The following GPHN variants were observed in gnomAD, a reference collection of about 807,000 sequenced individuals.
GPHN encodes the protein gephyrin.
GPHN carries 17 observed loss-of-function variants against 95.5 expected under a neutral mutation model. The observed-to-expected ratio is 0.18, with a 90% CI of 0.12 to 0.27. The LOEUF is 0.27. Among genes scored for constraint, GPHN ranks in the 10% least tolerant of loss-of-function variants. The pLI, the probability that GPHN is intolerant of heterozygous loss-of-function variation, is 1.00. For synonymous variants in GPHN, 320 were observed against 322.5 expected (o/e 0.99, Z 0.08); for missense variants, 660 against 978.1 (o/e 0.67, Z 4.34).
intron 1 of GPHN, among the ~76,000 whole-genome samples, chr14:66,536,203 G>A (rs762862231): frequency 6.6e-6 from 1 of 151,960 alleles, no homozygotes; most frequent in Non-Finnish European, 1.5e-5. Flanking sequence ...TTCCCACCTC[G>A]GCCTCCCAAA....
chr14:67,066,969 A>G (rs1395502332), intron 11 of GPHN, among the ~76,000 whole-genome samples: 1 of 152,118 alleles, frequency 6.6e-6, no homozygotes, highest in African/African-American at 2.4e-5. Context: ...GCTTTGTTCC[A>G]TTGCTGGTGA....
chr14:67,059,361 G>A (rs1258128531), intron 11 of GPHN, among the ~76,000 whole-genome samples: 1 of 152,142 alleles, frequency 6.6e-6, no homozygotes, highest in African/African-American at 2.4e-5. Context: ...TCCAGTTCCA[G>A]GAGACCAGGC....
intron 10 of GPHN, among the ~76,000 whole-genome samples, chr14:67,025,937 C>T (rs1381196521): frequency 1.3e-5 from 2 of 152,214 alleles, no homozygotes; most frequent in African/African-American, 4.8e-5. Context: ...GATCTTTATC[C>T]AATCTTAATG....
the GPHN span, among the ~76,000 whole-genome samples, chr14:67,617,833 G>A: frequency 6.6e-6 from 1 of 152,158 alleles, no homozygotes; most frequent in Non-Finnish European, 1.5e-5. Flanking sequence ...CAATTCTCCT[G>A]CCTCAGACTC....
At chr14:67,519,983 A>G in the GPHN span, among the ~76,000 whole-genome samples, 1 of 152,104 alleles carries the variant, frequency 6.6e-6, no homozygotes, top group Non-Finnish European at 1.5e-5. Context: ...TCGGCCCCCC[A>G]AAGTGCTGGG....
At chr14:67,303,716 T>G in the GPHN span, 1 of 723,144 alleles carries the variant, frequency 1.4e-6, no homozygotes, top group African/African-American at 1.8e-5. Flanking sequence ...TCAATCATTT[T>G]TATTTAAATA....
intron 1 of GPHN, among the ~76,000 whole-genome samples, chr14:66,607,287 A>T (rs1007460707): frequency 2.6e-5 from 4 of 151,996 alleles, no homozygotes; most frequent in African/African-American, 9.7e-5. Flanking sequence ...TGATGTGCAT[A>T]TGTTGAACCA....
chr14:66,766,465 T>C (rs1195324533), intron 2 of GPHN, among the ~76,000 whole-genome samples: 1 of 152,118 alleles, frequency 6.6e-6, no homozygotes, highest in African/African-American at 2.4e-5. Flanking sequence ...CATTTAGATA[T>C]ATTGAATGAA....
intron 5 of GPHN, among the ~76,000 whole-genome samples, chr14:66,888,418 A>C (rs1418963767): frequency 6.6e-6 from 1 of 152,208 alleles, no homozygotes; most frequent in African/African-American, 2.4e-5. Flanking sequence ...GGCATACAGT[A>C]TGTAAAGATG....
At chr14:67,509,594 C>T in the GPHN span, among the ~76,000 whole-genome samples, 1 of 152,210 alleles carries the variant, frequency 6.6e-6, no homozygotes. Flanking sequence ...GCTGGGATTA[C>T]AGGCATGAGC....
At chr14:66,700,153 C>T (rs2068423883) in intron 2 of GPHN, among the ~76,000 whole-genome samples, 1 of 152,028 alleles carries the variant, frequency 6.6e-6, no homozygotes, top group Admixed American at 6.6e-5. Context: ...TTTTCTATTT[C>T]TGTAGAGGAT....
the GPHN span, chr14:67,572,031 C>T: frequency 1.3e-6 from 2 of 1,485,702 alleles, no homozygotes; most frequent in Non-Finnish European, 1.8e-6. Context: ...ACCCCCAGCC[C>T]CAGAGACCGG....
At chr14:67,733,702 C>T in the GPHN span, 2 of 1,309,948 alleles carry the variant, frequency 1.5e-6, no homozygotes, top group African/African-American at 1.4e-5. Context: ...TTCCAGACTG[C>T]TAATTCTCAT....
At chr14:67,332,968 A>G in the GPHN span, 1 of 1,593,030 alleles carries the variant, frequency 6.3e-7, no homozygotes, top group Non-Finnish European at 8.6e-7. Context: ...AGAAACATCC[A>G]TTCTGTGGCA....
intron 21 of GPHN, among the ~76,000 whole-genome samples, chr14:67,173,246 G>A (rs533681941): frequency 5.7e-4 from 87 of 152,304 alleles, no homozygotes; most frequent in South Asian, 3.1e-3. Context: ...CCAGGAACCC[G>A]GTGCTGCAGT....
At chr14:67,343,216 T>C in the GPHN span, among the ~76,000 whole-genome samples, 1 of 152,216 alleles carries the variant, frequency 6.6e-6, no homozygotes, top group Non-Finnish European at 1.5e-5. Flanking sequence ...ACACTTTTTT[T>C]TTTTACTATG....
the GPHN span, chr14:67,312,542 C>A: frequency 6.3e-7 from 1 of 1,583,562 alleles, no homozygotes; most frequent in Non-Finnish European, 8.6e-7. Context: ...TGTAAAAGCT[C>A]ATTTTGACTA....
At chr14:67,470,711 C>T in the GPHN span, 1 of 152,220 alleles carries the variant, frequency 6.6e-6, no homozygotes, top group Admixed American at 6.6e-5. Context: ...CATTGTGACT[C>T]ACTGGCATTG....
intron 1 of GPHN, among the ~76,000 whole-genome samples, chr14:66,558,066 C>G (rs2060078268): frequency 6.6e-6 from 1 of 152,018 alleles, no homozygotes; most frequent in Admixed American, 6.6e-5. Context: ...GTTACAAAAA[C>G]CTTCTCAATG....
Sources: gnomAD v4.1 joint callset for allele counts (sites outside exome capture counted in the v4.1 genomes callset) on GRCh38, gnomAD v4.1.1 for gene constraint, MANE v1.5 for transcripts, NCBI Gene and HGNC (gene_info 2026-07-23, HGNC 2026-07-21) for gene names.